Variants in GPR158 observed in about 807,000 individuals in gnomAD.
The protein encoded by GPR158 is G protein-coupled receptor 158, also known as metabotropic glycine receptor.
A neutral mutation model predicts 78.2 loss-of-function variants in GPR158; 30 were observed. The observed-to-expected ratio is 0.38, with a 90% CI of 0.29 to 0.52. The LOEUF is 0.52. GPR158 is among the 20% of genes least tolerant of loss of function. GPR158 has a pLI of 0.83. For synonymous variants in GPR158, 581 were observed against 591.1 expected (o/e 0.98, Z 0.25); for missense variants, 1,463 against 1,523.5 (o/e 0.96, Z 0.66).
In GPR158 at chr10:25,395,991, C is replaced by A; in HGVS notation, c.1089C>A (p.Val363=). The change falls in exon 3 of 11, where the codon GTC becomes GTA. Residue 363 remains valine (V), a synonymous_variant. Transcript: ENST00000376351. ...AAGCAGGATTCTATCATCCTGGAGT[C>A]TTACCAGTGAACAACTTTCGGAGTA... ...ICKAGFYHPG[V]LPVNNFRRRG... The A allele has an allele frequency of 1.3e-6, 2 of 1,594,786 alleles. No individual in the cohort carries two copies. Among genetic ancestry groups the A allele is most frequent in the Non-Finnish European group, 1.7e-6 (2 of 1,162,558 alleles).
chr10:25,459,752 TTC>T (rs1171530956), intron 4 of GPR158, among the ~76,000 whole-genome samples: 1 of 152,234 alleles, frequency 6.6e-6, no homozygotes, highest in African/African-American at 2.4e-5. Flanking sequence ...CATCTTATGC[TTC>T]TATACTTGGC....
chr10:25,401,584 A>G (rs1360223545), intron 3 of GPR158, among the ~76,000 whole-genome samples: 2 of 152,082 alleles, frequency 1.3e-5, no homozygotes, highest in Non-Finnish European at 2.9e-5. Flanking sequence ...ATACTAATTT[A>G]TTAGACTTTT....
chr10:25,312,780 GCTTT>G (rs1375828955), intron 2 of GPR158, among the ~76,000 whole-genome samples: 1 of 152,032 alleles, frequency 6.6e-6, no homozygotes, highest in Non-Finnish European at 1.5e-5. Context: ...TTGATCAAAG[GCTTT>G]CTTAAGTGAA....
chr10:25,384,512 G>A (rs979592541), intron 2 of GPR158, among the ~76,000 whole-genome samples: 2 of 152,040 alleles, frequency 1.3e-5, no homozygotes, highest in African/African-American at 4.8e-5. Flanking sequence ...AAATCAGAAA[G>A]AATTTTACAT....
chr10:25,502,513 C>G (rs1177169202), intron 5 of GPR158, among the ~76,000 whole-genome samples: 2 of 152,144 alleles, frequency 1.3e-5, no homozygotes, highest in African/African-American at 4.8e-5. Context: ...CCCAGTAGTC[C>G]TCCAAACACT....
intron 5 of GPR158, among the ~76,000 whole-genome samples, chr10:25,534,137 T>G (rs1377735792): frequency 6.6e-6 from 1 of 152,190 alleles, no homozygotes; most frequent in Non-Finnish European, 1.5e-5. Context: ...CTGGTTATGC[T>G]TTGGCACATG....
chr10:25,283,676 A>G (rs1443093386), intron 2 of GPR158, among the ~76,000 whole-genome samples: 2 of 151,188 alleles, frequency 1.3e-5, no homozygotes, highest in Admixed American at 1.3e-4. Flanking sequence ...TTCTTTTTCT[A>G]TTTTTTAGTC....
At chr10:25,386,079 T>C (rs1834218283) in intron 2 of GPR158, among the ~76,000 whole-genome samples, 1 of 152,172 alleles carries the variant, frequency 6.6e-6, no homozygotes, top group Admixed American at 6.5e-5. Flanking sequence ...TTCCAGAGTT[T>C]TATAGTTTTA....
intron 2 of GPR158, among the ~76,000 whole-genome samples, chr10:25,304,968 G>GC (rs1202110096): frequency 6.6e-6 from 1 of 152,188 alleles, no homozygotes; most frequent in Non-Finnish European, 1.5e-5. Context: ...GAGACATTCT[G>GC]CCTTTCTATA....
chr10:25,458,559 T>C (rs1835320043), intron 4 of GPR158, among the ~76,000 whole-genome samples: 1 of 152,204 alleles, frequency 6.6e-6, no homozygotes, highest in Admixed American at 6.5e-5. Context: ...CTATCTGTAC[T>C]TGAAAGATTC....
chr10:25,446,917 C>A (rs1457065742), intron 4 of GPR158, among the ~76,000 whole-genome samples: 1 of 152,142 alleles, frequency 6.6e-6, no homozygotes, highest in East Asian at 1.9e-4. Context: ...ACAAGATCTC[C>A]TGTCAGTTTT....
chr10:25,319,825 C>A, intron 2 of GPR158, among the ~76,000 whole-genome samples: 1 of 139,688 alleles, frequency 7.2e-6, no homozygotes, highest in South Asian at 2.3e-4. Context: ...ACACCCCACC[C>A]CCCCCAAAAA....
intron 5 of GPR158, among the ~76,000 whole-genome samples, chr10:25,485,931 T>C (rs1835729099): frequency 6.6e-6 from 1 of 152,098 alleles, no homozygotes; most frequent in African/African-American, 2.4e-5. Flanking sequence ...GGTGGGGCCC[T>C]TATGAATGGG....
chr10:25,529,702 G>C (rs1255293357), intron 5 of GPR158, among the ~76,000 whole-genome samples: 1 of 152,182 alleles, frequency 6.6e-6, no homozygotes, highest in Admixed American at 6.5e-5. Context: ...GATTGAGATG[G>C]GGTTAAAGGA....
At chr10:25,252,127 T>G (rs1588759222) in intron 2 of GPR158, among the ~76,000 whole-genome samples, 2 of 152,308 alleles carry the variant, frequency 1.3e-5, no homozygotes, top group South Asian at 4.1e-4. Flanking sequence ...GCTTCTGCAT[T>G]CTTCACATAG....
intron 2 of GPR158, among the ~76,000 whole-genome samples, chr10:25,276,317 G>C (rs2130748326): frequency 6.6e-6 from 1 of 152,166 alleles, no homozygotes; most frequent in South Asian, 2.1e-4. Context: ...TCTCTCTCTT[G>C]CTCAATTTTG....
At chr10:25,540,797 TG>T in intron 5 of GPR158, among the ~76,000 whole-genome samples, 1 of 142,652 alleles carries the variant, frequency 7.0e-6, no homozygotes, top group East Asian at 2.1e-4. Context: ...TGTCGTGGGG[TG>T]GGGGGAGTGG....
At chr10:25,452,328 G>A (rs1380961539) in intron 4 of GPR158, among the ~76,000 whole-genome samples, 5 of 152,088 alleles carry the variant, frequency 3.3e-5, no homozygotes, top group Non-Finnish European at 1.5e-5. Flanking sequence ...TTATAGGCAT[G>A]AGCCACGATA....
intron 2 of GPR158, among the ~76,000 whole-genome samples, chr10:25,361,516 T>A (rs1475615975): frequency 2.0e-5 from 3 of 152,074 alleles, no homozygotes; most frequent in African/African-American, 7.2e-5. Context: ...CTTCTTACTG[T>A]TTCCCATAGT....
Sources: allele counts gnomAD v4.1 joint callset (sites outside exome capture counted in the v4.1 genomes callset), GRCh38; gene constraint gnomAD v4.1.1; transcripts MANE v1.5; gene names NCBI Gene and HGNC (gene_info 2026-07-23, HGNC 2026-07-21).